MME: variants seen among roughly 807,000 people sequenced by gnomAD.
MME encodes the protein neprilysin.
MME carries 98 observed loss-of-function variants against 113.2 expected under a neutral mutation model. The ratio of observed to expected loss-of-function variants is 0.87; its 90% CI spans 0.74 to 1.02. The LOEUF (loss-of-function observed/expected upper bound fraction) is 1.02. MME is among the 50% of genes least tolerant of loss of function. MME has a pLI of 0.00. For synonymous variants in MME, 292 were observed against 300.6 expected, an observed-to-expected ratio of 0.97 and a Z score of 0.30; for missense variants, 836 against 896.0, an observed-to-expected ratio of 0.93 and a Z score of 0.86.
intron 15 of MME, 89 bp from the exon 16 acceptor site, chr3:155,148,461 A>G (rs1344057941): frequency 2.4e-6 from 2 of 846,168 alleles, no homozygotes; most frequent in African/African-American, 3.4e-5. Context: ...TTATTGACTG[A>G]TATAATTTAA....
chr3:155,174,764 A>C (rs549068524), intron 22 of MME, among the ~76,000 whole-genome samples: 3 of 152,192 alleles, frequency 2.0e-5, no homozygotes, highest in Non-Finnish European at 4.4e-5. Context: ...AGCTTTATTT[A>C]TGTACTTTAA....
chr3:155,092,369 C>T (rs151056456), intron 3 of MME, among the ~76,000 whole-genome samples: 341 of 152,282 alleles, frequency 2.2e-3, no homozygotes, highest in African/African-American at 8.0e-3. Flanking sequence ...AACCATCATA[C>T]ATTAATGGTG....
At chr3:155,092,187 C>T (rs774592737) in intron 3 of MME, among the ~76,000 whole-genome samples, 8 of 152,218 alleles carry the variant, frequency 5.3e-5, no homozygotes, top group Non-Finnish European at 1.2e-4. Flanking sequence ...TCAAATGCCA[C>T]TCTTTTCCAT....
intron 9 of MME, among the ~76,000 whole-genome samples, chr3:155,139,516 T>C (rs1337627482): frequency 6.6e-6 from 1 of 152,236 alleles, no homozygotes; most frequent in Non-Finnish European, 1.5e-5. Context: ...CTTTTGTCTC[T>C]TCTCACTTAA....
chr3:155,029,064 A>G (rs1340612945), intron 1 of MME, among the ~76,000 whole-genome samples: 1 of 152,200 alleles, frequency 6.6e-6, no homozygotes, highest in Non-Finnish European at 1.5e-5. Context: ...GTTATTAAAC[A>G]AAGTCCTAAT....
chr3:155,110,115 A>G (rs1020054176), intron 3 of MME, among the ~76,000 whole-genome samples: 1 of 152,242 alleles, frequency 6.6e-6, no homozygotes, highest in African/African-American at 2.4e-5. Context: ...AAAGAGAGTA[A>G]GTAAAGGAGA....
At chr3:155,110,956 G>A (rs1718145315) in intron 3 of MME, among the ~76,000 whole-genome samples, 1 of 152,040 alleles carries the variant, frequency 6.6e-6, no homozygotes, top group African/African-American at 2.4e-5. Context: ...TTTTATATCT[G>A]CTTATTAAGG....
At chr3:155,170,465 C>T (rs1408938558) in intron 20 of MME, among the ~76,000 whole-genome samples, 1 of 152,098 alleles carries the variant, frequency 6.6e-6, no homozygotes, top group Non-Finnish European at 1.5e-5. Context: ...CCTTTTGTAA[C>T]TTTTATTGGT....
chr3:155,073,076 A>G (rs1714633479), intron 1 of MME, among the ~76,000 whole-genome samples: 2 of 152,188 alleles, frequency 1.3e-5, no homozygotes, highest in Admixed American at 1.3e-4. Context: ...GGTTTCCAAC[A>G]AGGGCAAATT....
At chr3:155,163,507 C>T (rs1263979299) in intron 17 of MME, among the ~76,000 whole-genome samples, 1 of 152,144 alleles carries the variant, frequency 6.6e-6, no homozygotes, top group East Asian at 1.9e-4. Flanking sequence ...TCTAGAAGGC[C>T]CCTGTGCCAT....
intron 3 of MME, among the ~76,000 whole-genome samples, chr3:155,091,274 C>A (rs1414428374): frequency 5.3e-5 from 8 of 152,140 alleles, no homozygotes; most frequent in Non-Finnish European, 8.8e-5. Context: ...TAGCATCTGT[C>A]AATCAGATCC....
intron 3 of MME, among the ~76,000 whole-genome samples, chr3:155,091,757 A>C (rs1039923703): frequency 6.6e-6 from 1 of 152,208 alleles, no homozygotes; most frequent in Non-Finnish European, 1.5e-5. Flanking sequence ...CAATTTAAAA[A>C]ACCATAAGGA....
At position 155,116,915 on chromosome 3, in the gene MME, T is replaced by C. The variant is rs1483693077; in HGVS notation, c.583T>C (p.Tyr195His). ...EKAIAQLNSK[Y>H]GKKVLINLFV... is the part of the protein sequence containing the mutation. ...AGCTATTGCACAACTGAATTCTAAA[T>C]ATGGGAAAAAAGTCCTTATTAATTT... The change falls in exon 7 of 23, where the codon TAT becomes CAT. Residue 195 changes from tyrosine to histidine, a missense_variant. Transcript: ENST00000360490. 3 of 1,612,576 alleles carry C rather than the reference T, an allele frequency of 1.9e-6. 1 individual carries two copies. In the Middle Eastern group the frequency reaches 5.0e-4, roughly 268 times the overall value.
At chr3:155,099,508 A>G (rs1423007044) in intron 3 of MME, among the ~76,000 whole-genome samples, 1 of 152,204 alleles carries the variant, frequency 6.6e-6, no homozygotes, top group African/African-American at 2.4e-5. Context: ...TGCGAAGTTA[A>G]ATTGAAGTAA....
intron 8 of MME, among the ~76,000 whole-genome samples, chr3:155,135,814 A>T (rs1427813125): frequency 6.6e-6 from 1 of 152,044 alleles, no homozygotes; most frequent in African/African-American, 2.4e-5. Context: ...TCTTTCAGCA[A>T]TGTTTTGTAG....
rs151294289 is a variant in MME at position 155,084,340 on chromosome 3, C to T, written c.160+13C>T. 1,227 of 1,613,528 alleles carry T rather than the reference C, an allele frequency of 7.6e-4. 7 individuals carry two copies. The African/African-American group carries it at 0.014, about 19-fold the overall frequency. On this transcript the variant is annotated intron_variant, in intron 2 of 22. Coordinates refer to ENST00000360490, the MANE Select transcript of MME (RefSeq NM_007289.4). ...GCAACCTACGATGGTGAGTTACTCC[C>T]ACACCTGTGCATCCATAAGTGCAAA... is the stretch of plus-strand genomic sequence containing the variant.
At chr3:155,179,360 G>T (rs367909951) in intron 22 of MME, among the ~76,000 whole-genome samples, 1 of 152,164 alleles carries the variant, frequency 6.6e-6, no homozygotes, top group African/African-American at 2.4e-5. Flanking sequence ...GTCCATGGAA[G>T]GTTTTAAATC....
At chr3:155,027,925 CT>C (rs1461161231) in intron 1 of MME, among the ~76,000 whole-genome samples, 2 of 152,142 alleles carry the variant, frequency 1.3e-5, no homozygotes, top group Non-Finnish European at 2.9e-5. Context: ...AATATTTTTA[CT>C]TTTCATCAGC....
chr3:155,140,184 T>G lies in MME; in HGVS notation c.856-7T>G. ...TCTAAAATAATGATTAAAAATTAAA[T>G]CCATAGGCTACGGCTAAACCTGAAG... is the stretch of plus-strand genomic sequence containing the variant. On this transcript the variant is annotated splice_region_variant and splice_polypyrimidine_tract_variant and intron_variant, in intron 9 of 22. Transcript: ENST00000360490. 6.3e-7 allele frequency: 1 copy of G among 1,595,288 alleles called. No individual in the cohort carries two copies. Among genetic ancestry groups the G allele is most frequent in the Non-Finnish European group, 8.6e-7 (1 of 1,165,460 alleles).
Sources: gnomAD v4.1 joint callset for allele counts (sites outside exome capture counted in the v4.1 genomes callset) on GRCh38, gnomAD v4.1.1 for gene constraint, MANE v1.5 for transcripts, NCBI Gene and HGNC (gene_info 2026-07-23, HGNC 2026-07-21) for gene names.